The following NLGN1 variants were observed in gnomAD, a reference collection of about 807,000 sequenced individuals.
NLGN1 encodes the protein neuroligin 1, also known as neuroligin-1.
In NLGN1, 12 loss-of-function variants were observed where a neutral mutation model predicts 65.5. The observed-to-expected ratio is 0.18, with a 90% CI of 0.12 to 0.30. The LOEUF (loss-of-function observed/expected upper bound fraction) is 0.30, where lower values mean the gene tolerates loss of function less well. NLGN1 is among the 10% of genes least tolerant of loss of function. The pLI, the probability that NLGN1 is intolerant of heterozygous loss-of-function variation, is 1.00. For synonymous variants in NLGN1, 350 were observed against 359.5 expected (o/e 0.97, Z 0.30); for missense variants, 750 against 1,007.1 (o/e 0.74, Z 3.46).
chr3:173,585,229 G>A (rs966095571), intron 2 of NLGN1, among the ~76,000 whole-genome samples: 1 of 152,158 alleles, frequency 6.6e-6, no homozygotes, highest in African/African-American at 2.4e-5. Flanking sequence ...GTCGGTGGGG[G>A]AGCCAAGCAG....
rs530891617 is a variant in NLGN1 at position 173,655,416 on chromosome 3, A to G, written c.493+50325A>G. ...TGTACACATTTTAGTACAGATGGCTATTTTGAGAGAGTGTACGTAAAACTG... is the reference window on the plus strand; with the variant it reads ...TGTACACATTTTAGTACAGATGGCTGTTTTGAGAGAGTGTACGTAAAACTG... On this transcript the variant is annotated intron_variant, in intron 3 of 6. Coordinates refer to ENST00000457714, the Ensembl canonical transcript of NLGN1. Among the ~76,000 whole-genome samples the G allele has an allele frequency of 6.8e-4, 104 of 152,226 alleles. 3 individuals carry two copies. In the South Asian group the frequency reaches 0.02, roughly 30 times the overall value.
rs199702197 is a variant in NLGN1 at position 173,923,817 on chromosome 3, A to G, written c.646+115985A>G. Among the ~76,000 whole-genome samples the G allele has an allele frequency of 3.9e-5, 6 of 152,282 alleles. No individual in the cohort carries two copies. In the East Asian group the frequency reaches 1.2e-3, roughly 29 times the overall value. ...TTTCTTTTCAACAAAATTGAAGGTG[A>G]TGATAATTGAGTTGTCAGCTGAGAG... On this transcript the variant is annotated intron_variant, in intron 4 of 6. Coordinates refer to ENST00000457714, the Ensembl canonical transcript of NLGN1.
In NLGN1 at chr3:173,728,218, G is replaced by T. The variant is rs554385134; in HGVS notation, c.494-79462G>T. Among the ~76,000 whole-genome samples, 4 of 152,138 alleles carry T rather than the reference G, an allele frequency of 2.6e-5. No individual in the cohort carries two copies. In the East Asian group the frequency reaches 7.7e-4, roughly 29 times the overall value. On this transcript the variant is annotated intron_variant, in intron 3 of 6. Coordinates refer to ENST00000457714, the Ensembl canonical transcript of NLGN1. ...GATGTGTAGTAGAGAAAAATGACTA[G>T]ACTTAGTGACAAGATGTAAGTGACA... is the stretch of plus-strand genomic sequence containing the variant.
At chr3:174,273,879 A>G (rs1469271503) in intron 4 of NLGN1, among the ~76,000 whole-genome samples, 1 of 151,352 alleles carries the variant, frequency 6.6e-6, no homozygotes, top group African/African-American at 2.4e-5. Flanking sequence ...ATGATCCTAG[A>G]GAATTTCTTA....
Position 173,573,053 on chromosome 3 carries a change from C to A in NLGN1, c.-320-31226C>A, listed in dbSNP as rs150760188. ...TTTTTTAGAAGAACCCCTCAACTGT[C>A]CATTCCATTTGTATTACTTCCGAAC... is the stretch of plus-strand genomic sequence containing the variant. On this transcript the variant is annotated intron_variant, in intron 2 of 6. Coordinates refer to ENST00000457714, the Ensembl canonical transcript of NLGN1. Among the ~76,000 whole-genome samples, 510 of 152,312 alleles carry A rather than the reference C, an allele frequency of 3.3e-3. 4 individuals are homozygous for A. Among genetic ancestry groups the A allele is most frequent in the African/African-American group, 0.011 (469 of 41,572 alleles).
chr3:174,219,673 G>T (rs1296988442), intron 4 of NLGN1, among the ~76,000 whole-genome samples: 1 of 152,150 alleles, frequency 6.6e-6, no homozygotes, highest in Non-Finnish European at 1.5e-5. Flanking sequence ...CTTGAAAGCA[G>T]GTTGGTGTGT....
chr3:173,648,033 A>G (rs1284859156), intron 3 of NLGN1, among the ~76,000 whole-genome samples: 1 of 152,116 alleles, frequency 6.6e-6, no homozygotes, highest in Non-Finnish European at 1.5e-5. Flanking sequence ...CTTAAAAGGA[A>G]AGAAATTGAC....
intron 3 of NLGN1, among the ~76,000 whole-genome samples, chr3:173,707,936 A>G (rs2149922210): frequency 6.6e-6 from 1 of 152,324 alleles, no homozygotes; most frequent in Non-Finnish European, 1.5e-5. Context: ...AAATTTTGTA[A>G]TTTGTTATTG....
At chr3:173,848,869 A>C (rs1726324488) in intron 4 of NLGN1, among the ~76,000 whole-genome samples, 1 of 152,214 alleles carries the variant, frequency 6.6e-6, no homozygotes, top group Non-Finnish European at 1.5e-5. Context: ...ATATACCAAC[A>C]TTAAAAATAA....
chr3:174,292,216 G>T, the NLGN1 span, among the ~76,000 whole-genome samples: 588 of 151,366 alleles, frequency 3.9e-3, 4 homozygotes, highest in African/African-American at 0.014. Flanking sequence ...TGCAAACTAT[G>T]ATCAAGCTAG....
chr3:174,064,014 A>G (rs1331880188), intron 4 of NLGN1, among the ~76,000 whole-genome samples: 1 of 151,934 alleles, frequency 6.6e-6, no homozygotes, highest in Admixed American at 6.6e-5. Context: ...TGGTGACAGG[A>G]GCCTGTAATC....
chr3:174,122,585 G>A (rs1035430716), intron 4 of NLGN1, among the ~76,000 whole-genome samples: 8 of 152,066 alleles, frequency 5.3e-5, no homozygotes, highest in African/African-American at 1.9e-4. Flanking sequence ...AACCTCTTCA[G>A]GGAGAAGGAA....
intron 4 of NLGN1, among the ~76,000 whole-genome samples, chr3:174,122,106 T>C (rs186723610): frequency 4.6e-5 from 7 of 152,288 alleles, no homozygotes. Flanking sequence ...CATACTGTCT[T>C]AACATACCCT....
At chr3:173,544,633 A>G (rs1353120648) in intron 2 of NLGN1, among the ~76,000 whole-genome samples, 2 of 152,182 alleles carry the variant, frequency 1.3e-5, no homozygotes, top group Admixed American at 6.6e-5. Context: ...ATATCCAAAT[A>G]GAAATGAAAA....
chr3:173,662,117 T>C (rs992399080), intron 3 of NLGN1, among the ~76,000 whole-genome samples: 9 of 152,038 alleles, frequency 5.9e-5, no homozygotes, highest in African/African-American at 1.9e-4. Context: ...AAACAAGTTA[T>C]CTTTCACTTT....
intron 3 of NLGN1, among the ~76,000 whole-genome samples, chr3:173,646,053 C>T (rs958690869): frequency 1.3e-5 from 2 of 152,118 alleles, no homozygotes; most frequent in South Asian, 2.1e-4. Context: ...TTGGCTCTGC[C>T]CCCTATTCCC....
At chr3:173,683,770 G>A (rs1200561559) in intron 3 of NLGN1, among the ~76,000 whole-genome samples, 1 of 152,100 alleles carries the variant, frequency 6.6e-6, no homozygotes, top group East Asian at 1.9e-4. Flanking sequence ...AAGTGTGGAA[G>A]GGTGGGTCAG....
chr3:173,939,812 T>C (rs1317218954), intron 4 of NLGN1, among the ~76,000 whole-genome samples: 1 of 152,162 alleles, frequency 6.6e-6, no homozygotes, highest in Non-Finnish European at 1.5e-5. Flanking sequence ...TTTGTTTTTG[T>C]TTTGCCTCGC....
chr3:173,940,746 C>T (rs1164725463), intron 4 of NLGN1, among the ~76,000 whole-genome samples: 1 of 152,032 alleles, frequency 6.6e-6, no homozygotes, highest in Non-Finnish European at 1.5e-5. Flanking sequence ...ACAATTTCTC[C>T]CCCAGTGATA....
Sources: allele counts gnomAD v4.1 joint callset (sites outside exome capture counted in the v4.1 genomes callset), GRCh38; gene constraint gnomAD v4.1.1; transcripts MANE v1.5; gene names NCBI Gene and HGNC (gene_info 2026-07-23, HGNC 2026-07-21).